KCNH1: variants seen among roughly 807,000 people sequenced by gnomAD.
The protein encoded by KCNH1 is potassium voltage-gated channel subfamily H member 1.
A neutral mutation model predicts 69.2 loss-of-function variants in KCNH1; 27 were observed. That is an observed-to-expected ratio of 0.39 (90% CI 0.29 to 0.54). KCNH1 has a LOEUF of 0.54. Among genes scored for constraint, KCNH1 ranks in the 20% least tolerant of loss-of-function variants. The probability of loss-of-function intolerance (pLI) is 0.68; values close to 1 mark genes in which losing one functional copy is unlikely to be tolerated. For synonymous variants in KCNH1, 456 were observed against 487.7 expected, an observed-to-expected ratio of 0.93 and a Z score of 0.86; for missense variants, 798 against 1,261.6, an observed-to-expected ratio of 0.63 and a Z score of 5.57.
At chr1:210,760,049 T>G (rs1465333115) in intron 10 of KCNH1, among the ~76,000 whole-genome samples, 1 of 152,152 alleles carries the variant, frequency 6.6e-6, no homozygotes, top group Non-Finnish European at 1.5e-5. Flanking sequence ...GAATCTAGGT[T>G]GCACACTCCT....
intron 8 of KCNH1, among the ~76,000 whole-genome samples, chr1:210,798,225 G>C (rs999152944): frequency 3.3e-5 from 5 of 152,054 alleles, no homozygotes; most frequent in African/African-American, 1.2e-4. Context: ...ATTTTTAGTA[G>C]AGAAGGGGTT....
chr1:210,853,503 C>T (rs528765587), intron 7 of KCNH1, among the ~76,000 whole-genome samples: 1 of 152,260 alleles, frequency 6.6e-6, no homozygotes, highest in East Asian at 1.9e-4. Flanking sequence ...ATCTCAAATC[C>T]CCCAGAGAAC....
At chr1:210,857,685 A>C (rs1488048916) in intron 7 of KCNH1, among the ~76,000 whole-genome samples, 1 of 152,210 alleles carries the variant, frequency 6.6e-6, no homozygotes, top group East Asian at 1.9e-4. Flanking sequence ...AATAGTTTTG[A>C]ATCCATTAAG....
intron 7 of KCNH1, among the ~76,000 whole-genome samples, chr1:210,877,128 C>T (rs1686393388): frequency 6.7e-6 from 1 of 149,164 alleles, no homozygotes; most frequent in Non-Finnish European, 1.5e-5. Flanking sequence ...TCAGGACAAA[C>T]AATTTGTTTG....
chr1:211,106,335 C>G (rs984499432), intron 2 of KCNH1, among the ~76,000 whole-genome samples: 3 of 152,226 alleles, frequency 2.0e-5, no homozygotes, highest in African/African-American at 4.8e-5. Flanking sequence ...TTTTCTAACA[C>G]CACGGCCCAA....
intron 7 of KCNH1, among the ~76,000 whole-genome samples, chr1:210,870,504 C>T (rs1480444915): frequency 1.3e-5 from 2 of 152,268 alleles, no homozygotes; most frequent in South Asian, 2.1e-4. Context: ...CACCCAGGTG[C>T]CCTCACTCAT....
At chr1:210,976,899 G>T (rs1345039259) in intron 6 of KCNH1, among the ~76,000 whole-genome samples, 1 of 145,578 alleles carries the variant, frequency 6.9e-6, no homozygotes, top group African/African-American at 2.6e-5. Context: ...TCAGTGTGGC[G>T]AGTCCTCAGG....
At chr1:210,750,829 G>A (rs999216253) in intron 10 of KCNH1, among the ~76,000 whole-genome samples, 2 of 151,996 alleles carry the variant, frequency 1.3e-5, no homozygotes, top group African/African-American at 4.8e-5. Context: ...GATACTATTA[G>A]AATCCAAGTT....
intron 5 of KCNH1, among the ~76,000 whole-genome samples, chr1:211,039,600 C>G (rs752540326): frequency 2.6e-5 from 4 of 152,186 alleles, no homozygotes; most frequent in African/African-American, 7.2e-5. Context: ...ACCATGGGAA[C>G]GTAACTCTTG....
chr1:211,077,870 C>T (rs1296534754), intron 5 of KCNH1, among the ~76,000 whole-genome samples: 1 of 151,434 alleles, frequency 6.6e-6, no homozygotes, highest in Non-Finnish European at 1.5e-5. Context: ...ACCCATCTCA[C>T]ATGCAGAGAC....
At chr1:210,952,183 T>C (rs1336293779) in intron 6 of KCNH1, among the ~76,000 whole-genome samples, 3 of 152,100 alleles carry the variant, frequency 2.0e-5, no homozygotes, top group Admixed American at 6.6e-5. Flanking sequence ...CTTCACAGGG[T>C]TGTACTAATT....
chr1:210,726,549 G>A (rs1311717546), intron 10 of KCNH1, among the ~76,000 whole-genome samples: 2 of 152,098 alleles, frequency 1.3e-5, no homozygotes, highest in Non-Finnish European at 2.9e-5. Flanking sequence ...GGTCCCCTTG[G>A]GCTAGTTCAC....
Position 211,133,793 on chromosome 1 carries a change from C to A in KCNH1, c.79+74G>T. 2 of 1,396,276 alleles carry A rather than the reference C, an allele frequency of 1.4e-6. No individual in the cohort carries two copies. The highest frequency in any genetic ancestry group is 1.2e-5 in the South Asian group (1 of 83,926). The allele number at this position is 1,396,276 out of a possible 1,614,324, so 86.5% of individuals were successfully genotyped here. A position where few individuals can be genotyped will look rare whatever the true frequency, so the allele number is the denominator to read the frequency against. ...CGGGTTCTGCTGCATCTGCTGGCTC[C>A]GAGCGGCGAGAGGTTCTGCAATAAA... On this transcript the variant is annotated intron_variant, in intron 1 of 10. Coordinates refer to ENST00000271751, the MANE Select transcript of KCNH1 (RefSeq NM_172362.3). This position sits in a 1 kb window ranked among gnomAD's most constrained non-coding sequence, Gnocchi z 5.4.
chr1:211,037,034 A>C (rs1689912500), intron 5 of KCNH1, among the ~76,000 whole-genome samples: 1 of 152,242 alleles, frequency 6.6e-6, no homozygotes, highest in Non-Finnish European at 1.5e-5. Flanking sequence ...GAAGGAAAAA[A>C]GGGTTTTTCT....
chr1:210,802,704 C>G (rs576271110), intron 8 of KCNH1, among the ~76,000 whole-genome samples: 5 of 152,312 alleles, frequency 3.3e-5, no homozygotes, highest in Admixed American at 2.0e-4. Context: ...TTATCACCCT[C>G]TCCATTTTAC....
chr1:210,912,671 A>C (rs1687258326), intron 7 of KCNH1, among the ~76,000 whole-genome samples: 1 of 152,166 alleles, frequency 6.6e-6, no homozygotes, highest in South Asian at 2.1e-4. Context: ...GTACTTTTGT[A>C]CTTCACATCA....
intron 7 of KCNH1, chr1:210,859,849 G>T: frequency 8.7e-7 from 1 of 1,143,540 alleles, no homozygotes; most frequent in Non-Finnish European, 1.3e-6. Flanking sequence ...TTTGTAACTG[G>T]TTCAACATTA....
At chr1:210,826,182 G>T (rs1685027973) in intron 7 of KCNH1, among the ~76,000 whole-genome samples, 2 of 152,096 alleles carry the variant, frequency 1.3e-5, no homozygotes, top group African/African-American at 2.4e-5. Flanking sequence ...CCCAAAGATA[G>T]CCTGAGAAGT....
intron 7 of KCNH1, among the ~76,000 whole-genome samples, 191 bp from the exon 8 acceptor site, chr1:210,804,357 C>A (rs548086546): frequency 4.9e-4 from 75 of 152,158 alleles, no homozygotes; most frequent in Non-Finnish European, 7.8e-4. Flanking sequence ...AAAGAAAGAG[C>A]CTCTTACCAC....
Sources: allele counts gnomAD v4.1 joint callset (sites outside exome capture counted in the v4.1 genomes callset), GRCh38; gene constraint gnomAD v4.1.1; non-coding constraint Gnocchi (gnomAD v3.1); transcripts MANE v1.5; gene names NCBI Gene and HGNC (gene_info 2026-07-23, HGNC 2026-07-21).